Variants in PTPRG observed in about 807,000 individuals in gnomAD.
PTPRG encodes receptor-type tyrosine-protein phosphatase gamma.
A neutral mutation model predicts 165.3 loss-of-function variants in PTPRG; 102 were observed. That is an observed-to-expected ratio of 0.62 (90% CI 0.53 to 0.73). The LOEUF (loss-of-function observed/expected upper bound fraction) is 0.73. PTPRG is among the 30% of genes least tolerant of loss of function. The pLI, the probability that PTPRG is intolerant of heterozygous loss-of-function variation, is 0.00. For synonymous variants in PTPRG, 675 were observed against 669.5 expected, an observed-to-expected ratio of 1.01 and a Z score of -0.13; for missense variants, 1,866 against 1,861.4, an observed-to-expected ratio of 1.00 and a Z score of -0.05.
chr3:62,267,894 G>T, intron 19 of PTPRG, 75 bp downstream of exon 19: 8 of 1,513,914 alleles, frequency 5.3e-6, no homozygotes, highest in Non-Finnish European at 7.2e-6. Flanking sequence ...CTGCTTTAGG[G>T]TAGGAACTTG....
At chr3:61,897,914 T>G (rs2038399620) in intron 2 of PTPRG, among the ~76,000 whole-genome samples, 1 of 152,194 alleles carries the variant, frequency 6.6e-6, no homozygotes, top group Non-Finnish European at 1.5e-5. Context: ...TCTGTAACCT[T>G]ACTGAACTCA....
chr3:61,837,419 G>A (rs144497333), intron 2 of PTPRG, among the ~76,000 whole-genome samples: 98 of 152,286 alleles, frequency 6.4e-4, no homozygotes, highest in African/African-American at 2.3e-3. Context: ...TAAAATGTGG[G>A]ATACAGTAAA....
rs560048463 is a variant in PTPRG at position 61,783,972 on chromosome 3, A to G, written c.190+34990A>G. Among the ~76,000 whole-genome samples, 26 of 152,310 alleles carry G rather than the reference A, an allele frequency of 1.7e-4. No homozygotes were observed. The South Asian group carries it at 1.9e-3, about 11-fold the overall frequency. On this transcript the variant is annotated intron_variant, in intron 2 of 29. Transcript: ENST00000474889. ...GGCCATTGGGCATTTGAACCTGAGC[A>G]TGGGATGGGGTCAGAGGTTTGGGAT... is the stretch of plus-strand genomic sequence containing the variant.
At chr3:61,676,073 A>G (rs539645177) in intron 1 of PTPRG, among the ~76,000 whole-genome samples, 17 of 152,154 alleles carry the variant, frequency 1.1e-4, no homozygotes, top group Non-Finnish European at 2.4e-4. Context: ...TCACTACCCA[A>G]GAAGGAATCT....
intron 1 of PTPRG, among the ~76,000 whole-genome samples, chr3:61,594,234 A>G (rs1700640508): frequency 6.6e-6 from 1 of 152,126 alleles, no homozygotes; most frequent in South Asian, 2.1e-4. Context: ...TTAAACACAA[A>G]GAGAGGATGA....
At chr3:61,631,243 T>C (rs1701768072) in intron 1 of PTPRG, among the ~76,000 whole-genome samples, 1 of 152,138 alleles carries the variant, frequency 6.6e-6, no homozygotes, top group Non-Finnish European at 1.5e-5. Context: ...TTTTGCCAGG[T>C]GTGACAATTT....
rs775846575 is a variant in PTPRG at position 62,245,077 on chromosome 3, T to TAAA, written c.2467+1181_2467+1183dup. On this transcript the variant is annotated intron_variant, in intron 15 of 29. Transcript: ENST00000474889. This position sits in a 1 kb window ranked among gnomAD's most constrained non-coding sequence, Gnocchi z 4.2. ...GTACATTCTAGTCAGCTTTTCTCAC[T>TAAA]AAAACTTGCCACACAGAAACAAGAA... Among the ~76,000 whole-genome samples the TAAA allele has an allele frequency of 3.3e-5, 5 of 152,216 alleles. No homozygotes were observed. Among genetic ancestry groups the TAAA allele is most frequent in the Non-Finnish European group, 7.3e-5 (5 of 68,030 alleles).
chr3:61,837,536 G>A (rs969419408), intron 2 of PTPRG, among the ~76,000 whole-genome samples: 3 of 152,218 alleles, frequency 2.0e-5, no homozygotes, highest in Admixed American at 2.0e-4. Context: ...CGGAGGTGCA[G>A]CCTGAATAGT....
intron 6 of PTPRG, among the ~76,000 whole-genome samples, chr3:62,139,184 G>C (rs777441052): frequency 2.0e-5 from 3 of 151,964 alleles, no homozygotes; most frequent in Non-Finnish European, 4.4e-5. Context: ...GCCACAGACA[G>C]CTGGGTACAG....
At chr3:61,803,099 C>T (rs1014122901) in intron 2 of PTPRG, among the ~76,000 whole-genome samples, 3 of 152,158 alleles carry the variant, frequency 2.0e-5, no homozygotes, top group Non-Finnish European at 2.9e-5. Flanking sequence ...TAGACAGAGC[C>T]AGAGCCTAAA....
At chr3:62,191,224 G>A (rs535687995) in intron 8 of PTPRG, among the ~76,000 whole-genome samples, 1 of 151,710 alleles carries the variant, frequency 6.6e-6, no homozygotes, top group South Asian at 2.1e-4. Flanking sequence ...GCACGTGTGT[G>A]TGCATCTGTG....
At chr3:62,269,619 C>T (rs1460934206) in intron 20 of PTPRG, among the ~76,000 whole-genome samples, 1 of 152,140 alleles carries the variant, frequency 6.6e-6, no homozygotes, top group African/African-American at 2.4e-5. Flanking sequence ...TATATCCCCC[C>T]AGCATTTTAG....
Position 62,004,304 on chromosome 3 carries a change from G to A in PTPRG, c.519+807G>A, listed in dbSNP as rs115708766. Among the ~76,000 whole-genome samples the A allele has an allele frequency of 9.3e-3, 1,411 of 152,246 alleles. 23 individuals are homozygous for A. Among genetic ancestry groups the A allele is most frequent in the African/African-American group, 0.031 (1,303 of 41,540 alleles). The stretch of plus-strand genomic sequence containing the variant: ...GTGTGTGGAAGAACAAAATAGATGT[G>A]GTTCTGAAACCTGCCCAATAGTCCT... On this transcript the variant is annotated intron_variant, in intron 4 of 29. Transcript: ENST00000474889.
intron 2 of PTPRG, among the ~76,000 whole-genome samples, chr3:61,825,716 C>T (rs943207201): frequency 1.3e-5 from 2 of 151,974 alleles, no homozygotes; most frequent in African/African-American, 4.8e-5. Context: ...AGGATCACAG[C>T]TCACTGCAGC....
At chr3:61,729,271 G>C (rs765732237) in intron 1 of PTPRG, among the ~76,000 whole-genome samples, 9 of 152,188 alleles carry the variant, frequency 5.9e-5, no homozygotes, top group Non-Finnish European at 1.2e-4. Context: ...CGGGCCAGTT[G>C]TTGCCGTATG....
intron 28 of PTPRG, among the ~76,000 whole-genome samples, chr3:62,287,287 A>G (rs758502620): frequency 5.3e-5 from 8 of 152,128 alleles, no homozygotes; most frequent in African/African-American, 1.9e-4. Flanking sequence ...TTTTAATACC[A>G]TGCTAAAATG....
chr3:61,905,595 A>G (rs2038625325), intron 2 of PTPRG, among the ~76,000 whole-genome samples: 1 of 152,250 alleles, frequency 6.6e-6, no homozygotes, highest in South Asian at 2.1e-4. Flanking sequence ...CCCCAGGAGT[A>G]TTTAAGCATC....
At chr3:62,134,786 A>G (rs1438949388) in intron 6 of PTPRG, among the ~76,000 whole-genome samples, 1 of 152,246 alleles carries the variant, frequency 6.6e-6, no homozygotes. Context: ...GGTACTCAGT[A>G]TGTTAGTCAA....
At chr3:61,813,357 A>G (rs1324902154) in intron 2 of PTPRG, among the ~76,000 whole-genome samples, 1 of 150,016 alleles carries the variant, frequency 6.7e-6, no homozygotes, top group Non-Finnish European at 1.5e-5. Flanking sequence ...TAGAAAAAAA[A>G]TAGAAAAATT....
Sources: gnomAD v4.1 joint callset for allele counts (sites outside exome capture counted in the v4.1 genomes callset) on GRCh38, gnomAD v4.1.1 for gene constraint, Gnocchi (gnomAD v3.1) non-coding constraint, MANE v1.5 for transcripts, NCBI Gene and HGNC (gene_info 2026-07-23, HGNC 2026-07-21) for gene names.